Variants in CPXM2 observed in about 807,000 individuals in gnomAD.
CPXM2 encodes carboxypeptidase X, M14 family member 2.
CPXM2 carries 66 observed loss-of-function variants against 86.1 expected under a neutral mutation model. The observed-to-expected ratio is 0.77, with a 90% CI of 0.63 to 0.94. The LOEUF is 0.94. CPXM2 is among the 40% of genes least tolerant of loss of function. The pLI is 0.00. For synonymous variants in CPXM2, 388 were observed against 400.2 expected, an observed-to-expected ratio of 0.97 and a Z score of 0.36; for missense variants, 948 against 1,026.3, an observed-to-expected ratio of 0.92 and a Z score of 1.04.
At chr10:123,916,780 T>C (rs72829741) in intron 2 of CPXM2, among the ~76,000 whole-genome samples, 2,245 of 67,856 alleles carry the variant, frequency 0.033, 60 homozygotes, top group African/African-American at 0.082. Flanking sequence ...CTCTCTCTCT[T>C]TTTTTTTTTT....
intron 2 of CPXM2, chr10:123,913,869 C>T (rs945788588): frequency 3.8e-5 from 15 of 399,286 alleles, no homozygotes; most frequent in African/African-American, 3.1e-4. Context: ...CATCCCTCCT[C>T]AGGAGGCACC....
intron 4 of CPXM2, among the ~76,000 whole-genome samples, chr10:123,841,259 T>C (rs933858646): frequency 6.6e-6 from 1 of 152,026 alleles, no homozygotes; most frequent in African/African-American, 2.4e-5. Context: ...CCACACAACA[T>C]CCCTCAGGGA....
At chr10:123,917,991 A>G (rs955648745) in intron 2 of CPXM2, among the ~76,000 whole-genome samples, 2 of 152,230 alleles carry the variant, frequency 1.3e-5, no homozygotes, top group African/African-American at 4.8e-5. Context: ...GATGTGTTCA[A>G]GACTGTAGGG....
chr10:123,821,921 T>A, intron 4 of CPXM2, among the ~76,000 whole-genome samples: 1 of 152,314 alleles, frequency 6.6e-6, no homozygotes, highest in African/African-American at 2.4e-5. Flanking sequence ...TAAATGTCAT[T>A]GGCAATTTAT....
intron 1 of CPXM2, among the ~76,000 whole-genome samples, chr10:123,889,144 C>G (rs147303470): frequency 1.8e-4 from 27 of 152,332 alleles, no homozygotes; most frequent in Non-Finnish European, 3.8e-4. Flanking sequence ...AGTCACTTCC[C>G]CATGTAACCC....
intron 10 of CPXM2, among the ~76,000 whole-genome samples, chr10:123,762,686 C>G (rs781453630): frequency 6.6e-5 from 10 of 152,018 alleles, no homozygotes; most frequent in Non-Finnish European, 1.3e-4. Flanking sequence ...CTCCCTAATT[C>G]TGTATGTTTG....
chr10:123,822,342 T>C (rs1305273567), intron 4 of CPXM2, among the ~76,000 whole-genome samples: 1 of 152,190 alleles, frequency 6.6e-6, no homozygotes, highest in Non-Finnish European at 1.5e-5. Context: ...CAAATACTTG[T>C]CAATACCAGG....
At chr10:123,757,983 G>A (rs1358880563) in intron 11 of CPXM2, among the ~76,000 whole-genome samples, 1 of 152,140 alleles carries the variant, frequency 6.6e-6, no homozygotes, top group Non-Finnish European at 1.5e-5. Context: ...TATGTGTCTG[G>A]AAAGGGCCAG....
chr10:123,888,723 A>G lies in CPXM2; in HGVS notation c.304+2633T>C, dbSNP rs544938564. ...AGCAAACACCAAAATAAAAAAGGAC[A>G]GGAGTTAAAAATATGAGATAAATGT... On this transcript the variant is annotated intron_variant, in intron 1 of 13. Coordinates refer to ENST00000241305, the MANE Select transcript of CPXM2 (RefSeq NM_198148.3). Among the ~76,000 whole-genome samples, 6 of 152,358 alleles carry G rather than the reference A, an allele frequency of 3.9e-5. No homozygotes were observed. In the East Asian group the frequency reaches 1.2e-3, roughly 29 times the overall value.
chr10:123,767,044 G>A lies in CPXM2; in HGVS notation c.1408C>T (p.Gln470Ter), dbSNP rs201420520. Residue 470 changes from glutamine to a stop codon, truncating the protein, a stop_gained, in exon 10 of 14, where the codon CAG becomes TAG. Transcript: ENST00000241305. LOFTEE classifies it high-confidence loss of function. ...TTGGGAACTTTCCTGGGGACATTCTGTCGATCCTCTGCCTCCCAGAGCAGC... is the reference window on the plus strand; with the variant it reads ...TTGGGAACTTTCCTGGGGACATTCTATCGATCCTCTGCCTCCCAGAGCAGC... Reference protein sequence around the residue: ...NTLLWEAEDRQNVPRKVPNHY... With the variant: ...NTLLWEAEDR The A allele has an allele frequency of 1.2e-6, 2 of 1,614,006 alleles. No homozygotes were observed. Among genetic ancestry groups the A allele is most frequent in the African/African-American group, 1.3e-5 (1 of 74,918 alleles).
intron 13 of CPXM2, among the ~76,000 whole-genome samples, chr10:123,753,043 T>G (rs1419743401): frequency 4.6e-5 from 7 of 151,830 alleles, no homozygotes; most frequent in Non-Finnish European, 1.0e-4. Flanking sequence ...CGGGGAGGTG[T>G]GCCATGCTCA....
intron 13 of CPXM2, chr10:123,750,481 T>C: frequency 1.0e-6 from 1 of 985,390 alleles, no homozygotes; most frequent in Non-Finnish European, 1.2e-6. Flanking sequence ...AGCCTGTGTA[T>C]GTCCCCTTAG....
At chr10:123,924,902 CT>C (rs1372205653) in intron 2 of CPXM2, among the ~76,000 whole-genome samples, 5 of 152,064 alleles carry the variant, frequency 3.3e-5, no homozygotes, top group African/African-American at 1.2e-4. Context: ...CAAAATACCC[CT>C]ATTAGAACAA....
chr10:123,871,309 C>T (rs1383185238), intron 2 of CPXM2, among the ~76,000 whole-genome samples: 3 of 152,186 alleles, frequency 2.0e-5, no homozygotes, highest in African/African-American at 4.8e-5. Context: ...TTTTCATCCT[C>T]GAATTTCCAA....
chr10:123,839,734 C>T (rs1848347654), intron 4 of CPXM2, among the ~76,000 whole-genome samples: 1 of 152,140 alleles, frequency 6.6e-6, no homozygotes, highest in Admixed American at 6.5e-5. Context: ...TCTGGACATA[C>T]TGAGATAGAA....
intron 7 of CPXM2, among the ~76,000 whole-genome samples, chr10:123,771,865 A>C (rs1324512326): frequency 2.0e-5 from 3 of 152,144 alleles, no homozygotes; most frequent in Non-Finnish European, 4.4e-5. Context: ...CTGTCTCCTG[A>C]TGCCCTGTGA....
At chr10:123,755,201 C>T (rs1057055911) in intron 12 of CPXM2, among the ~76,000 whole-genome samples, 27 of 152,300 alleles carry the variant, frequency 1.8e-4, no homozygotes, top group African/African-American at 5.8e-4. Flanking sequence ...TTTCGGCATG[C>T]CCTCTGAGGC....
intron 13 of CPXM2, among the ~76,000 whole-genome samples, chr10:123,749,497 A>G (rs1209277718): frequency 6.6e-6 from 1 of 152,058 alleles, no homozygotes; most frequent in African/African-American, 2.4e-5. Flanking sequence ...TCTCATACAC[A>G]TCATGGTGCT....
At chr10:123,826,397 G>A (rs1449949121) in intron 4 of CPXM2, among the ~76,000 whole-genome samples, 1 of 152,160 alleles carries the variant, frequency 6.6e-6, no homozygotes, top group African/African-American at 2.4e-5. Context: ...AGAAAGGGAA[G>A]GGAAGTTGAA....
Sources: allele counts gnomAD v4.1 joint callset (sites outside exome capture counted in the v4.1 genomes callset), GRCh38; gene constraint gnomAD v4.1.1; transcripts MANE v1.5; gene names NCBI Gene and HGNC (gene_info 2026-07-23, HGNC 2026-07-21).